The following ADGRL2 variants were observed in gnomAD, a reference collection of about 807,000 sequenced individuals.
ADGRL2 encodes the protein calcium-independent alpha-latrotoxin receptor 2.
In ADGRL2, 44 loss-of-function variants were observed where a neutral mutation model predicts 157.4. The ratio of observed to expected loss-of-function variants is 0.28; its 90% CI spans 0.22 to 0.36. ADGRL2 has a LOEUF of 0.36. Among genes scored for constraint, ADGRL2 ranks in the 10% least tolerant of loss-of-function variants. The probability of loss-of-function intolerance (pLI) is 1.00; values close to 1 mark genes in which losing one functional copy is unlikely to be tolerated. For missense variants in ADGRL2, 1,510 were observed against 1,768.9 expected, an observed-to-expected ratio of 0.85 and a Z score of 2.63; for synonymous variants, 585 against 624.7, an observed-to-expected ratio of 0.94 and a Z score of 0.95.
chr1:81,528,646 C>CAAAAAAAAA lies in ADGRL2; in HGVS notation c.-247-52209_-247-52201dup, dbSNP rs59842382. On this transcript the variant is annotated intron_variant, in intron 2 of 24. Transcript: ENST00000370721. ...TGGGCAAAAAAGTGAGACTCCATCTCAAAAAAAAAAAAAAAAAAAAAAAAA... is the reference window on the plus strand; with the variant it reads ...TGGGCAAAAAAGTGAGACTCCATCTCAAAAAAAAAAAAAAAAAAAAAAAAAAAAAAAAAA... Among the ~76,000 whole-genome samples the CAAAAAAAAA allele has an allele frequency of 7.8e-4, 89 of 114,642 alleles. 1 individual carries two copies. The highest frequency in any genetic ancestry group is 1.1e-3 in the African/African-American group (30 of 26,462). 75.2% of individuals were successfully genotyped at this position (114,642 alleles called of 152,430 possible). A position where few individuals can be genotyped will look rare whatever the true frequency, so the allele number is the denominator to read the frequency against.
chr1:81,849,741 G>T (rs2092930774), intron 2 of ADGRL2, among the ~76,000 whole-genome samples: 1 of 151,866 alleles, frequency 6.6e-6, no homozygotes, highest in Non-Finnish European at 1.5e-5. Flanking sequence ...TTTGGTAAAG[G>T]AGTAAGACTT....
intron 2 of ADGRL2, among the ~76,000 whole-genome samples, chr1:81,774,894 A>T (rs1334529707): frequency 6.6e-6 from 1 of 152,172 alleles, no homozygotes; most frequent in African/African-American, 2.4e-5. Context: ...TATGTATAAT[A>T]GTAACAAAAG....
chr1:81,503,218 G>C, intron 2 of ADGRL2: 1 of 1,614,228 alleles, frequency 6.2e-7, no homozygotes, highest in South Asian at 1.1e-5. Context: ...AGACAGAGCA[G>C]AGGCCTCGGC....
rs1306464850 is a variant in ADGRL2 at position 81,504,717 on chromosome 1, G to A, written c.-248+59628G>A. On this transcript the variant is annotated intron_variant, in intron 2 of 24. Coordinates refer to the ADGRL2 transcript ENST00000370721. ...TGGGTCGGGCCCTGAAACCGTACCA[G>A]TTCTGAAGAGCGTTTTCTGCCACAC... Among the ~76,000 whole-genome samples the A allele has an allele frequency of 2.6e-5, 4 of 152,142 alleles. No individual in the cohort carries two copies. The East Asian group carries it at 7.7e-4, about 29-fold the overall frequency.
chr1:81,990,724 A>T lies in ADGRL2; in HGVS notation c.3989A>T (p.His1330Leu). ...HSDNPGLELH[H>L]KELEAPLIPQ... The stretch of plus-strand genomic sequence containing the variant: ...GACAACCCAGGGCTGGAGCTCCATC[A>T]CAAAGAACTCGAGGCACCACTTATT... Residue 1330 changes from histidine to leucine, a missense_variant, in exon 24 of 24, where the codon CAC becomes CTC. His to Leu is a moderately conservative substitution (Grantham distance 99). Around this residue, in one of 4 missense-constraint regions of ADGRL2, gnomAD observed 327 missense variants for 310.1 expected, o/e 1.05. Coordinates refer to ENST00000686636, the MANE Select transcript of ADGRL2 (RefSeq NM_001366006.2). The T allele has an allele frequency of 6.2e-7, 1 of 1,614,052 alleles. No individual in the cohort carries two copies. The highest frequency in any genetic ancestry group is 8.5e-7 in the Non-Finnish European group (1 of 1,179,994).
At chr1:81,806,864 T>C (rs1011377017) in intron 1 of ADGRL2, among the ~76,000 whole-genome samples, 2 of 152,014 alleles carry the variant, frequency 1.3e-5, no homozygotes, top group African/African-American at 4.8e-5. Flanking sequence ...TCACATAAGG[T>C]GCTATTTTTA....
chr1:81,916,048 C>T (rs1259797430), intron 3 of ADGRL2, among the ~76,000 whole-genome samples: 1 of 152,064 alleles, frequency 6.6e-6, no homozygotes. Flanking sequence ...CAAAGTATGA[C>T]ATTTAAACAA....
rs1368246013 is a variant in ADGRL2, at chr1:81,637,064, G to A, written c.-143+56084G>A. Among the ~76,000 whole-genome samples the A allele has an allele frequency of 4.6e-5, 7 of 152,156 alleles. No individual in the cohort carries two copies. The East Asian group carries it at 5.8e-4, about 13-fold the overall frequency. ...TTGGCCAGTTTGATTGGTTGGTCTC[G>A]AACTCCTGACCTCAAGTGATCCACC... On this transcript the variant is annotated intron_variant, in intron 3 of 24. Transcript: ENST00000370721.
At chr1:81,859,784 TTAAAA>T (rs2093331949) in intron 2 of ADGRL2, among the ~76,000 whole-genome samples, 1 of 152,206 alleles carries the variant, frequency 6.6e-6, no homozygotes, top group Non-Finnish European at 1.5e-5. Flanking sequence ...GTGAGGCTTT[TTAAAA>T]TAAAAGTATT....
At chr1:81,616,518 TGTCCATTC>T (rs2081649455) in intron 3 of ADGRL2, among the ~76,000 whole-genome samples, 6 of 152,182 alleles carry the variant, frequency 3.9e-5, no homozygotes, top group Admixed American at 3.9e-4. Flanking sequence ...CTTTTCTGAT[TGTCCATTC>T]GTTAAGGCCA....
rs535301606 is a variant in ADGRL2, at chr1:81,556,458, G to A, written c.-247-24418G>A. 2.1e-3 allele frequency among the ~76,000 whole-genome samples: 321 copies of A among 151,420 alleles called. 2 individuals carry two copies. Among genetic ancestry groups the A allele is most frequent in the African/African-American group, 7.1e-3 (292 of 41,268 alleles). ...CTCCCAAAGTGCTGGGATTACAGGC[G>A]TGAGCCACAGAGCCCAGCCTATAAT... is the stretch of plus-strand genomic sequence containing the variant. On this transcript the variant is annotated intron_variant, in intron 2 of 24. Coordinates refer to the ADGRL2 transcript ENST00000370721.
chr1:81,475,501 G>C (rs542670519), intron 2 of ADGRL2, among the ~76,000 whole-genome samples: 2 of 152,132 alleles, frequency 1.3e-5, no homozygotes, highest in Non-Finnish European at 2.9e-5. Flanking sequence ...TTGTGAAAAA[G>C]AATTAGGAAT....
chr1:81,550,472 A>G (rs1226401786), intron 2 of ADGRL2, among the ~76,000 whole-genome samples: 1 of 152,152 alleles, frequency 6.6e-6, no homozygotes, highest in Non-Finnish European at 1.5e-5. Context: ...TTCACAGTGG[A>G]AAAATTCTGT....
chr1:81,467,003 C>A (rs886708504), intron 2 of ADGRL2, among the ~76,000 whole-genome samples: 1 of 151,516 alleles, frequency 6.6e-6, no homozygotes, highest in Non-Finnish European at 1.5e-5. Context: ...TTCACACCAG[C>A]CCTTTGCAGC....
chr1:81,640,013 C>T (rs920815213), intron 3 of ADGRL2, among the ~76,000 whole-genome samples: 13 of 152,102 alleles, frequency 8.5e-5, no homozygotes, highest in Non-Finnish European at 1.0e-4. Context: ...TTAGTTGATT[C>T]GGTTCATGGG....
chr1:81,413,721 T>C (rs1375597685), intron 1 of ADGRL2, among the ~76,000 whole-genome samples: 1 of 152,250 alleles, frequency 6.6e-6, no homozygotes, highest in Admixed American at 6.5e-5. Flanking sequence ...AAAGAGTTTA[T>C]TAGATTTCCT....
intron 2 of ADGRL2, among the ~76,000 whole-genome samples, chr1:81,475,501 G>A (rs542670519): frequency 1.3e-5 from 2 of 152,250 alleles, no homozygotes; most frequent in Admixed American, 6.5e-5. Context: ...TTGTGAAAAA[G>A]AATTAGGAAT....
intron 2 of ADGRL2, among the ~76,000 whole-genome samples, chr1:81,464,308 A>G (rs2078004637): frequency 6.6e-6 from 1 of 151,514 alleles, no homozygotes; most frequent in South Asian, 2.1e-4. Context: ...TTGTACACGC[A>G]CTCCATCCCC....
chr1:81,616,679 CT>C (rs1164087131), intron 3 of ADGRL2, among the ~76,000 whole-genome samples: 54 of 105,950 alleles, frequency 5.1e-4, no homozygotes, highest in African/African-American at 7.5e-4. Flanking sequence ...CTTTTCTTTT[CT>C]TTTTTTTTTT....
Sources: allele counts gnomAD v4.1 joint callset (sites outside exome capture counted in the v4.1 genomes callset), GRCh38; gene constraint gnomAD v4.1.1; regional missense constraint gnomAD v4.1.1; transcripts MANE v1.5; gene names NCBI Gene and HGNC (gene_info 2026-07-23, HGNC 2026-07-21).